NPSR1: variants seen among roughly 807,000 people sequenced by gnomAD.
The protein encoded by NPSR1 is neuropeptide S receptor.
A neutral mutation model predicts 46.9 loss-of-function variants in NPSR1; 48 were observed. The ratio of observed to expected loss-of-function variants is 1.02; its 90% CI spans 0.81 to 1.30. The LOEUF (loss-of-function observed/expected upper bound fraction) is 1.30. Among genes scored for constraint, NPSR1 ranks in the 50% most tolerant of loss-of-function variants. The pLI is 0.00. For missense variants in NPSR1, 450 were observed against 449.5 expected, an observed-to-expected ratio of 1.00 and a Z score of -0.01; for synonymous variants, 176 against 168.1, an observed-to-expected ratio of 1.05 and a Z score of -0.36.
chr7:34,724,344 G>A (rs1330094901), intron 2 of NPSR1, among the ~76,000 whole-genome samples: 3 of 152,110 alleles, frequency 2.0e-5, no homozygotes, highest in African/African-American at 7.2e-5. Context: ...GTTCATAGTT[G>A]GATGTAAACT....
At chr7:34,760,062 ATC>A (rs1192886576) in intron 2 of NPSR1, among the ~76,000 whole-genome samples, 3 of 152,214 alleles carry the variant, frequency 2.0e-5, no homozygotes, top group African/African-American at 7.2e-5. Context: ...TATTAGACTG[ATC>A]AAGTGTGTTA....
intron 8 of NPSR1, among the ~76,000 whole-genome samples, chr7:34,858,553 TAA>T (rs34632595): frequency 0.066 from 10,065 of 151,906 alleles, 499 homozygotes; most frequent in Middle Eastern, 0.19. Flanking sequence ...ACACTGCTGA[TAA>T]AGACATACCT....
At chr7:34,842,590 G>A (rs1000999032) in intron 6 of NPSR1, among the ~76,000 whole-genome samples, 1 of 152,208 alleles carries the variant, frequency 6.6e-6, no homozygotes, top group African/African-American at 2.4e-5. Context: ...TTCTTACAAG[G>A]CGGAGGTTCG....
chr7:34,819,154 T>G (rs1289868580), intron 4 of NPSR1, among the ~76,000 whole-genome samples: 3 of 151,962 alleles, frequency 2.0e-5, no homozygotes, highest in African/African-American at 4.8e-5. Flanking sequence ...GGGAGAAAAT[T>G]TTTGCAATCT....
At chr7:34,678,757 C>T (rs549397488) in intron 1 of NPSR1, among the ~76,000 whole-genome samples, 30 of 149,804 alleles carry the variant, frequency 2.0e-4, no homozygotes, top group African/African-American at 6.2e-4. Context: ...ACCCGGCAGG[C>T]GGAGCTTGCA....
intron 2 of NPSR1, among the ~76,000 whole-genome samples, chr7:34,740,165 C>T (rs1254697595): frequency 6.6e-6 from 1 of 151,958 alleles, no homozygotes; most frequent in Non-Finnish European, 1.5e-5. Flanking sequence ...CTGTGTCATG[C>T]ACATTGTCAG....
intron 2 of NPSR1, among the ~76,000 whole-genome samples, chr7:34,771,678 T>C (rs1786691842): frequency 1.3e-5 from 2 of 152,106 alleles, no homozygotes; most frequent in South Asian, 2.1e-4. Context: ...ATGAAAACAA[T>C]AAAAGGCAGT....
intron 4 of NPSR1, among the ~76,000 whole-genome samples, chr7:34,814,594 T>C (rs952462872): frequency 2.6e-5 from 4 of 152,218 alleles, no homozygotes; most frequent in African/African-American, 4.8e-5. Context: ...CCTCCTCAAG[T>C]GGGTCCCTGA....
intron 2 of NPSR1, among the ~76,000 whole-genome samples, chr7:34,732,538 G>A (rs751306493): frequency 8.5e-5 from 13 of 152,128 alleles, no homozygotes; most frequent in Non-Finnish European, 1.5e-4. Flanking sequence ...TTGAGATCAG[G>A]TGCAGCCCCA....
chr7:34,837,743 A>G (rs1216025211), intron 6 of NPSR1, among the ~76,000 whole-genome samples: 1 of 152,198 alleles, frequency 6.6e-6, no homozygotes, highest in Non-Finnish European at 1.5e-5. Flanking sequence ...TGCACACATA[A>G]AGACAAGACT....
At chr7:34,751,667 C>G in intron 2 of NPSR1, 1 of 1,593,092 alleles carries the variant, frequency 6.3e-7, no homozygotes, top group East Asian at 2.2e-5. Context: ...ACATCCCCAG[C>G]CAGGGACAAG....
intron 3 of NPSR1, among the ~76,000 whole-genome samples, chr7:34,809,169 C>T (rs1031047531): frequency 2.4e-4 from 37 of 152,184 alleles, no homozygotes; most frequent in African/African-American, 8.7e-4. Context: ...TGTTTGTTGC[C>T]AGCCTTAATA....
chr7:34,834,937 C>A (rs974152631), intron 6 of NPSR1, among the ~76,000 whole-genome samples: 2 of 152,212 alleles, frequency 1.3e-5, no homozygotes, highest in African/African-American at 4.8e-5. Flanking sequence ...TCCATGCTTT[C>A]CCAACTGACA....
intron 2 of NPSR1, among the ~76,000 whole-genome samples, chr7:34,773,491 C>T (rs1330458474): frequency 6.6e-6 from 1 of 152,072 alleles, no homozygotes; most frequent in Non-Finnish European, 1.5e-5. Flanking sequence ...ACTCAGAGAT[C>T]AGGAAAGGAA....
intron 8 of NPSR1, among the ~76,000 whole-genome samples, chr7:34,864,360 T>A (rs1279573766): frequency 6.8e-6 from 1 of 146,574 alleles, no homozygotes; most frequent in South Asian, 2.1e-4. Flanking sequence ...ATCCCAGAAC[T>A]TAAAGTATAA....
chr7:34,859,450 G>T (rs1562776272), intron 8 of NPSR1, among the ~76,000 whole-genome samples: 1 of 151,382 alleles, frequency 6.6e-6, no homozygotes, highest in Non-Finnish European at 1.5e-5. Flanking sequence ...ACCCCACTAT[G>T]CGGTGATGTT....
intron 4 of NPSR1, among the ~76,000 whole-genome samples, chr7:34,818,176 C>G (rs1789348540): frequency 6.6e-6 from 1 of 151,742 alleles, no homozygotes; most frequent in Non-Finnish European, 1.5e-5. Flanking sequence ...ACCCCATTGT[C>G]TCAGCCCAAA....
Position 34,761,389 on chromosome 7 carries a change from A to G in NPSR1, c.281-17073A>G, listed in dbSNP as rs560837559. On this transcript the variant is annotated intron_variant, in intron 2 of 8. Transcript: ENST00000360581. ...ATGATCCCAGCTAAAAAGCTGAGGCAAACCCTGAGGAATCTAACAGCTGGA... is the reference window on the plus strand; with the variant it reads ...ATGATCCCAGCTAAAAAGCTGAGGCGAACCCTGAGGAATCTAACAGCTGGA... Among the ~76,000 whole-genome samples the G allele has an allele frequency of 1.6e-4, 24 of 152,322 alleles. No homozygotes were observed. The South Asian group carries it at 5.0e-3, about 32-fold the overall frequency.
intron 5 of NPSR1, among the ~76,000 whole-genome samples, chr7:34,829,623 A>G (rs1050698817): frequency 5.3e-5 from 8 of 152,188 alleles, no homozygotes; most frequent in Admixed American, 5.2e-4. Flanking sequence ...GTCCCCGCTC[A>G]GCAGAGTGGA....
Sources: allele counts gnomAD v4.1 joint callset (sites outside exome capture counted in the v4.1 genomes callset), GRCh38; gene constraint gnomAD v4.1.1; transcripts MANE v1.5; gene names NCBI Gene and HGNC (gene_info 2026-07-23, HGNC 2026-07-21).